The following SLC25A12 variants were observed in gnomAD, a reference collection of about 807,000 sequenced individuals.
SLC25A12 encodes the protein solute carrier family 25 member 12.
SLC25A12 carries 32 observed loss-of-function variants against 83.3 expected under a neutral mutation model. The observed-to-expected ratio is 0.38, with a 90% CI of 0.29 to 0.52. The LOEUF (loss-of-function observed/expected upper bound fraction) is 0.52. Ranked by LOEUF, SLC25A12 falls within the 20% of genes least tolerant of loss-of-function variation. The pLI is 0.84. For missense variants in SLC25A12, 611 were observed against 835.6 expected, an observed-to-expected ratio of 0.73 and a Z score of 3.31; for synonymous variants, 267 against 291.1, an observed-to-expected ratio of 0.92 and a Z score of 0.84.
chr2:171,858,295 T>G (rs1333282794), intron 3 of SLC25A12, among the ~76,000 whole-genome samples: 2 of 152,206 alleles, frequency 1.3e-5, no homozygotes, highest in Non-Finnish European at 1.5e-5. Flanking sequence ...GGATTTTCTA[T>G]AGTGTATTTT....
intron 2 of SLC25A12, 38 bp from the exon 3 acceptor site, chr2:171,868,861 T>C (rs917211002): frequency 2.6e-6 from 4 of 1,526,020 alleles, no homozygotes; most frequent in Non-Finnish European, 3.6e-6. Flanking sequence ...TGAAAAATTA[T>C]CCAATATCAT....
intron 2 of SLC25A12, among the ~76,000 whole-genome samples, chr2:171,890,501 G>T (rs899851572): frequency 6.7e-6 from 1 of 148,534 alleles, no homozygotes; most frequent in African/African-American, 2.5e-5. Flanking sequence ...GTGTGTGTGT[G>T]TAACAAGGTC....
chr2:171,844,562 C>T, intron 4 of SLC25A12, 54 bp from the exon 5 acceptor site: 1 of 1,240,804 alleles, frequency 8.1e-7, no homozygotes, highest in East Asian at 2.3e-5. Context: ...GTAGTTTAAA[C>T]CACTGCAATG....
intron 2 of SLC25A12, among the ~76,000 whole-genome samples, chr2:171,885,144 C>T (rs560543284): frequency 2.1e-5 from 3 of 142,128 alleles, no homozygotes; most frequent in South Asian, 2.2e-4. Flanking sequence ...ACCTGGGAGG[C>T]GGAGCTTGCA....
chr2:171,852,830 T>C, intron 4 of SLC25A12: 2 of 301,890 alleles, frequency 6.6e-6, no homozygotes, highest in Non-Finnish European at 1.3e-5. Context: ...CTTAAAAATA[T>C]GAAAGGAAAC....
At chr2:171,790,646 C>G (rs781286453) in intron 15 of SLC25A12, among the ~76,000 whole-genome samples, 9 of 152,182 alleles carry the variant, frequency 5.9e-5, no homozygotes, top group Non-Finnish European at 1.3e-4. Flanking sequence ...AAACTCTTGC[C>G]CTCAAGAAGC....
chr2:171,832,780 G>T (rs992853241), intron 8 of SLC25A12, among the ~76,000 whole-genome samples: 1 of 152,172 alleles, frequency 6.6e-6, no homozygotes, highest in African/African-American at 2.4e-5. Context: ...AAATCAAACA[G>T]ACTCCTTGGC....
chr2:171,851,782 AC>A (rs1387132199), intron 4 of SLC25A12, among the ~76,000 whole-genome samples: 3 of 151,450 alleles, frequency 2.0e-5, no homozygotes, highest in African/African-American at 7.3e-5. Context: ...CAGTCTGCCC[AC>A]CTCAGCCTCC....
intron 14 of SLC25A12, among the ~76,000 whole-genome samples, chr2:171,792,633 G>GAA: frequency 7.3e-6 from 1 of 137,040 alleles, no homozygotes; most frequent in African/African-American, 2.7e-5. Context: ...CTCAAACATT[G>GAA]AAAAAAAAAA....
At chr2:171,857,761 T>C (rs1573987524) in intron 3 of SLC25A12, among the ~76,000 whole-genome samples, 1 of 151,582 alleles carries the variant, frequency 6.6e-6, no homozygotes, top group East Asian at 1.9e-4. Context: ...TGCAATGTCA[T>C]GAACCTGTAG....
chr2:171,866,121 T>C (rs1469203808), intron 3 of SLC25A12, among the ~76,000 whole-genome samples: 1 of 131,866 alleles, frequency 7.6e-6, no homozygotes, highest in Non-Finnish European at 1.6e-5. Flanking sequence ...TAACCCTGAG[T>C]GGACACAGCA....
intron 5 of SLC25A12, among the ~76,000 whole-genome samples, chr2:171,837,473 GA>G (rs1355882730): frequency 6.6e-6 from 1 of 152,052 alleles, no homozygotes; most frequent in African/African-American, 2.4e-5. Context: ...TACTCCTCAG[GA>G]AAAAGAATGA....
rs780349038 is a variant in SLC25A12, at chr2:171,810,326, T to C, written c.1172-50A>G. 2.1e-6 allele frequency: 3 copies of C among 1,411,586 alleles called. No homozygotes were observed. In the Admixed American group the frequency reaches 5.0e-5, roughly 24 times the overall value. 87.4% of individuals were successfully genotyped at this position (1,411,586 alleles called of 1,614,324 possible). On this transcript the variant is annotated intron_variant, in intron 11 of 17. Transcript: ENST00000422440. ...GCAATATAGCTGTACCAGACATGAA[T>C]ACACAAGCCCAGCAACAAAGAGTTT...
intron 4 of SLC25A12, among the ~76,000 whole-genome samples, chr2:171,849,794 G>C (rs1684881819): frequency 6.6e-6 from 1 of 151,966 alleles, no homozygotes. Context: ...CTGACCTCGT[G>C]ATCCACCCGC....
intron 2 of SLC25A12, among the ~76,000 whole-genome samples, chr2:171,870,017 T>C (rs1685425699): frequency 6.6e-6 from 1 of 152,250 alleles, no homozygotes; most frequent in Non-Finnish European, 1.5e-5. Flanking sequence ...ATTCTACTTC[T>C]TATGTTTATT....
chr2:171,855,907 T>C lies in SLC25A12; in HGVS notation c.252A>G (p.Leu84=), dbSNP rs1181356897. The part of the protein sequence containing the change: ...YQEFLAFESV[L]CAPDSMFIVA... ...CTATGAACATGGAATCTGGAGCACA[T>C]AAAACAGATTCAAATGCCAAAAACT... is the stretch of plus-strand genomic sequence containing the variant. The change falls in exon 4 of 18, where the codon TTA becomes TTG. Residue 84 remains leucine (L), a synonymous_variant. Transcript: ENST00000422440. The C allele has an allele frequency of 1.9e-6, 3 of 1,613,544 alleles. No individual in the cohort carries two copies. The highest frequency in any genetic ancestry group is 2.2e-5 in the South Asian group (2 of 91,068).
At chr2:171,877,210 C>T (rs1161698092) in intron 2 of SLC25A12, among the ~76,000 whole-genome samples, 1 of 152,144 alleles carries the variant, frequency 6.6e-6, no homozygotes, top group Non-Finnish European at 1.5e-5. Context: ...ATCATAATTA[C>T]ACTGAACTAT....
intron 2 of SLC25A12, among the ~76,000 whole-genome samples, chr2:171,881,470 T>C (rs1443847853): frequency 2.0e-5 from 3 of 151,938 alleles, no homozygotes; most frequent in Non-Finnish European, 2.9e-5. Context: ...TCTGTGTAAA[T>C]GTATGGGGAA....
intron 4 of SLC25A12, chr2:171,848,112 C>T (rs1335096516): frequency 8.6e-6 from 4 of 465,794 alleles, no homozygotes; most frequent in Non-Finnish European, 1.3e-5. Context: ...CCTCATCCCT[C>T]CCCTGGTTCT....
Sources: gnomAD v4.1 joint callset for allele counts (sites outside exome capture counted in the v4.1 genomes callset) on GRCh38, gnomAD v4.1.1 for gene constraint, MANE v1.5 for transcripts, NCBI Gene and HGNC (gene_info 2026-07-23, HGNC 2026-07-21) for gene names.